The following TMEM127 variants were observed in gnomAD, a reference collection of about 807,000 sequenced individuals.
The protein encoded by TMEM127 is transmembrane protein 127.
In TMEM127, 21 loss-of-function variants were observed where a neutral mutation model predicts 20.1. The observed-to-expected ratio is 1.04, with a 90% CI of 0.74 to 1.50. The LOEUF is 1.50. TMEM127 is among the 40% of genes most tolerant of loss of function. TMEM127 has a pLI of 0.00. For missense variants in TMEM127, 303 were observed against 317.4 expected (o/e 0.95, Z 0.34); for synonymous variants, 150 against 144.7 (o/e 1.04, Z -0.26).
intron 2 of TMEM127, chr2:96,260,535 G>T (rs1422030020): frequency 6.6e-6 from 1 of 152,214 alleles, no homozygotes; most frequent in Admixed American, 6.5e-5. Flanking sequence ...GGTAAACACT[G>T]CTTGGCGGTG....
chr2:96,253,842 T>C lies in TMEM127; in HGVS notation c.683A>G (p.Asn228Ser). 6.2e-7 allele frequency: 1 copy of C among 1,613,392 alleles called. No individual in the cohort carries two copies. Among genetic ancestry groups the C allele is most frequent in the Non-Finnish European group, 8.5e-7 (1 of 1,179,456 alleles). The change falls in exon 4 of 4, where the codon AAC (asparagine) becomes AGC (serine). Residue 228 changes from asparagine to serine, a missense_variant. Coordinates refer to ENST00000258439, the MANE Select transcript of TMEM127 (RefSeq NM_017849.4). This position sits in a 1 kb window ranked among gnomAD's most constrained non-coding sequence, Gnocchi z 4.3. Reference sequence around the variant, plus strand: ...GTAAGCAGGGGGTGGCTGGAACTGGTTGATGACCTCATATTCCGCCGGGTA... The same window carrying C: ...GTAAGCAGGGGGTGGCTGGAACTGGCTGATGACCTCATATTCCGCCGGGTA... ...EPYPAEYEVI[N>S]QFQPPPAYTP
intron 2 of TMEM127, among the ~76,000 whole-genome samples, chr2:96,259,777 T>C (rs955154387): frequency 1.3e-5 from 2 of 152,156 alleles, no homozygotes; most frequent in Admixed American, 6.5e-5. Flanking sequence ...ATGAAAACAA[T>C]AACATCTGCC....
chr2:96,254,738 T>G, intron 3 of TMEM127, 95 bp downstream of exon 3: 1 of 1,507,728 alleles, frequency 6.6e-7, no homozygotes, highest in Non-Finnish European at 9.2e-7. Flanking sequence ...GAAGGGTGCC[T>G]GCTCAGAGAA....
rs944606096 is a variant in TMEM127 at position 96,248,849 on chromosome 2, G to A, written c.*4959C>T. 7.3e-5 allele frequency: 17 copies of A among 232,228 alleles called. No homozygotes were observed. Among genetic ancestry groups the A allele is most frequent in the East Asian group, 4.9e-4 (8 of 16,482 alleles). 14.4% of individuals were successfully genotyped at this position (232,228 alleles called of 1,614,324 possible). ...CACAGCTGTCTCTGGAAAGTTCTTC[G>A]TTACCTGACTCTTTAGACACAGGGT... On this transcript the variant is annotated 3_prime_UTR_variant, in exon 4 of 4. Coordinates refer to ENST00000258439, the MANE Select transcript of TMEM127 (RefSeq NM_017849.4).
In TMEM127 at chr2:96,265,261, T is replaced by C. The variant is rs760633411; in HGVS notation, c.121A>G (p.Ile41Val). 124 of 1,587,388 alleles carry C rather than the reference T, an allele frequency of 7.8e-5. 1 individual carries two copies. Among genetic ancestry groups the C allele is most frequent in the Non-Finnish European group, 9.2e-5 (108 of 1,171,948 alleles). ...GCGAGGGCAGTGCACAGCGCCGTGATAGACAGGGCGCCAGGCAGGGCCGAG... is the reference window on the plus strand; with the variant it reads ...GCGAGGGCAGTGCACAGCGCCGTGACAGACAGGGCGCCAGGCAGGGCCGAG... ...LASALPGALSITALCTALAEP... is the reference protein window; with the variant it reads ...LASALPGALSVTALCTALAEP... Residue 41 changes from isoleucine (I) to valine (V), a missense_variant, in exon 2 of 4, where the codon ATC becomes GTC. Transcript: ENST00000258439.
intron 2 of TMEM127, among the ~76,000 whole-genome samples, chr2:96,259,031 T>G (rs1480152539): frequency 6.6e-6 from 1 of 152,234 alleles, no homozygotes; most frequent in Non-Finnish European, 1.5e-5. Flanking sequence ...ATCCATGACA[T>G]ATACTCCTAT....
In TMEM127 at chr2:96,251,869, G is replaced by A; in HGVS notation, c.*1939C>T. The A allele has an allele frequency of 4.3e-6, 1 of 233,392 alleles. No homozygotes were observed. The highest frequency in any genetic ancestry group is 2.2e-5 in the African/African-American group (1 of 45,454). The allele number at this position is 233,392 out of a possible 1,614,324, so 14.5% of individuals were successfully genotyped here. A position where few individuals can be genotyped will look rare whatever the true frequency, so the allele number is the denominator to read the frequency against. On this transcript the variant is annotated 3_prime_UTR_variant, in exon 4 of 4. Coordinates refer to ENST00000258439, the MANE Select transcript of TMEM127 (RefSeq NM_017849.4). ...GGTCATTTACAGGTCCTCAGGAGATGACCAGTCCCTTTGGCATGCAGGTCC... is the reference window on the plus strand; with the variant it reads ...GGTCATTTACAGGTCCTCAGGAGATAACCAGTCCCTTTGGCATGCAGGTCC...
In TMEM127 at chr2:96,254,855, A is replaced by G. The variant is rs766323344; in HGVS notation, c.387T>C (p.Tyr129=). The change falls in exon 3 of 4, where the codon TAT becomes TAC. Residue 129 remains tyrosine (Y), a synonymous_variant. Transcript: ENST00000258439. Reference sequence around the variant, plus strand: ...TACCCGTTAGGATATGGGCGAAGGCATAGCGACGAGTGATCTTCAGAGCAG... The same window carrying G: ...TACCCGTTAGGATATGGGCGAAGGCGTAGCGACGAGTGATCTTCAGAGCAG... ...KHPALKITRR[Y]AFAHILTVLQ... 1 of 1,614,196 alleles carries G rather than the reference A, an allele frequency of 6.2e-7. No homozygotes were observed.
chr2:96,262,734 T>C (rs1332767496), intron 2 of TMEM127, among the ~76,000 whole-genome samples: 1 of 152,264 alleles, frequency 6.6e-6, no homozygotes, highest in Non-Finnish European at 1.5e-5. Context: ...TAGCCCAGGC[T>C]GGAGTGCAGT....
At chr2:96,260,122 T>A (rs1164243231) in intron 2 of TMEM127, among the ~76,000 whole-genome samples, 1 of 152,220 alleles carries the variant, frequency 6.6e-6, no homozygotes, top group African/African-American at 2.4e-5. Context: ...AAACCAAATA[T>A]GAAATTCCCT....
rs1684135294 is a variant in TMEM127 at position 96,253,576 on chromosome 2, G to A, written c.*232C>T. Reference sequence around the variant, plus strand: ...GGTAATGACTCGTGAATGTGAAGGGGGCAGGATGTGGCAGGAGGGAAAGAG... The same window carrying A: ...GGTAATGACTCGTGAATGTGAAGGGAGCAGGATGTGGCAGGAGGGAAAGAG... On this transcript the variant is annotated 3_prime_UTR_variant, in exon 4 of 4. Transcript: ENST00000258439. This position sits in a 1 kb window ranked among gnomAD's most constrained non-coding sequence, Gnocchi z 4.3. 1 of 561,668 alleles carries A rather than the reference G, an allele frequency of 1.8e-6. No individual in the cohort carries two copies. Among genetic ancestry groups the A allele is most frequent in the Non-Finnish European group, 3.1e-6 (1 of 317,534 alleles). 34.8% of individuals were successfully genotyped at this position (561,668 alleles called of 1,614,324 possible).
In TMEM127 at chr2:96,253,783, C is replaced by A. The variant is rs538207522; in HGVS notation, c.*25G>T. ...GCTGCAGAGTTGAGGGAGGGGCTGC[C>A]GAGGAAGAGAGCCCAGGGCTGGCAT... is the stretch of plus-strand genomic sequence containing the variant. On this transcript the variant is annotated 3_prime_UTR_variant, in exon 4 of 4. Coordinates refer to ENST00000258439, the MANE Select transcript of TMEM127 (RefSeq NM_017849.4). The surrounding 1 kb of genome is among the most constrained non-coding windows in gnomAD (Gnocchi z 4.3). 1 of 1,592,712 alleles carries A rather than the reference C, an allele frequency of 6.3e-7. No homozygotes were observed. The highest frequency in any genetic ancestry group is 8.6e-7 in the Non-Finnish European group (1 of 1,166,002).
chr2:96,254,762 C>T (rs1684165459), intron 3 of TMEM127, 71 bp downstream of exon 3: 2 of 1,598,108 alleles, frequency 1.3e-6, no homozygotes, highest in South Asian at 1.1e-5. Flanking sequence ...AGAGCCCCCA[C>T]CGGCAACTCA....
Position 96,250,124 on chromosome 2 carries a change from T to C in TMEM127, c.*3684A>G, listed in dbSNP as rs1684056679. 1 of 233,364 alleles carries C rather than the reference T, an allele frequency of 4.3e-6. No individual in the cohort carries two copies. The highest frequency in any genetic ancestry group is 8.5e-6 in the Non-Finnish European group (1 of 118,092). 14.5% of individuals were successfully genotyped at this position (233,364 alleles called of 1,614,324 possible). On this transcript the variant is annotated 3_prime_UTR_variant, in exon 4 of 4. Coordinates refer to ENST00000258439, the MANE Select transcript of TMEM127 (RefSeq NM_017849.4). ...ACTTAAGGCCAGGCAGAACCCTTCC[T>C]ACTGTCACCAGTCATTAAAATAAGG... is the stretch of plus-strand genomic sequence containing the variant.
chr2:96,255,640 T>A (rs1295697189), intron 2 of TMEM127, among the ~76,000 whole-genome samples: 2 of 152,102 alleles, frequency 1.3e-5, no homozygotes, highest in African/African-American at 4.8e-5. Flanking sequence ...TGCACAAAGG[T>A]TCAGTTTGAA....
At chr2:96,257,228 G>A (rs760262914) in intron 2 of TMEM127, among the ~76,000 whole-genome samples, 7 of 152,176 alleles carry the variant, frequency 4.6e-5, no homozygotes, top group Admixed American at 1.3e-4. Context: ...TTGGGAGGCC[G>A]AGGCGGGTGG....
Position 96,265,390 on chromosome 2 carries a change from C to A in TMEM127, c.-9G>T. On this transcript the variant is annotated 5_prime_UTR_variant, in exon 2 of 4. Transcript: ENST00000258439. ...CCTCCGGGGGCGTACATGCCCGGGGCCGCCCGCCGTCGCTCCGCAGTCGCT... is the reference window on the plus strand; with the variant it reads ...CCTCCGGGGGCGTACATGCCCGGGGACGCCCGCCGTCGCTCCGCAGTCGCT... 1 of 1,371,032 alleles carries A rather than the reference C, an allele frequency of 7.3e-7. No individual in the cohort carries two copies. The highest frequency in any genetic ancestry group is 9.4e-7 in the Non-Finnish European group (1 of 1,068,406). The allele number at this position is 1,371,032 out of a possible 1,614,324, so 84.9% of individuals were successfully genotyped here.
intron 2 of TMEM127, among the ~76,000 whole-genome samples, chr2:96,258,117 G>A (rs890002340): frequency 5.3e-5 from 8 of 152,156 alleles, no homozygotes; most frequent in Non-Finnish European, 1.2e-4. Context: ...AATCTCTAGG[G>A]CATACCCAAA....
rs893674774 is a variant in TMEM127, at chr2:96,251,164, C to T, written c.*2644G>A. On this transcript the variant is annotated 3_prime_UTR_variant, in exon 4 of 4. Transcript: ENST00000258439. ...TGTGTGAAAACAGGATTAGGAAGCT[C>T]TGGGGGTGAAAATGCCATGCACGGA... The T allele has an allele frequency of 4.6e-6, 1 of 216,216 alleles. No individual in the cohort carries two copies. The highest frequency in any genetic ancestry group is 2.3e-5 in the African/African-American group (1 of 44,350). The allele number at this position is 216,216 out of a possible 1,614,324, so 13.4% of individuals were successfully genotyped here. A position where few individuals can be genotyped will look rare whatever the true frequency, so the allele number is the denominator to read the frequency against.
Sources: gnomAD v4.1 joint callset for allele counts (sites outside exome capture counted in the v4.1 genomes callset) on GRCh38, gnomAD v4.1.1 for gene constraint, Gnocchi (gnomAD v3.1) non-coding constraint, MANE v1.5 for transcripts, NCBI Gene and HGNC (gene_info 2026-07-23, HGNC 2026-07-21) for gene names.